SGIP1: variants seen among roughly 807,000 people sequenced by gnomAD.
SGIP1 encodes the protein SH3GL interacting endocytic adaptor 1, also known as SH3-containing GRB2-like protein 3-interacting protein 1.
In SGIP1, 38 loss-of-function variants were observed where a neutral mutation model predicts 107.5. The ratio of observed to expected loss-of-function variants is 0.35; its 90% CI spans 0.27 to 0.46. The LOEUF (loss-of-function observed/expected upper bound fraction) is 0.46, where lower values mean the gene tolerates loss of function less well. Ranked by LOEUF, SGIP1 falls within the 20% of genes least tolerant of loss-of-function variation. The pLI, the probability that SGIP1 is intolerant of heterozygous loss-of-function variation, is 1.00. For synonymous variants in SGIP1, 365 were observed against 366.1 expected, an observed-to-expected ratio of 1.00 and a Z score of 0.03; for missense variants, 929 against 1,019.5, an observed-to-expected ratio of 0.91 and a Z score of 1.21.
chr1:66,672,099 G>T (rs1343247236), intron 11 of SGIP1, 104 bp downstream of exon 11: 8 of 1,051,912 alleles, frequency 7.6e-6, no homozygotes, highest in East Asian at 2.5e-5. Flanking sequence ...ATTAACAAAG[G>T]CTCTACCAAA....
chr1:66,603,232 CTT>C (rs1175614759), intron 1 of SGIP1, among the ~76,000 whole-genome samples: 2 of 152,074 alleles, frequency 1.3e-5, no homozygotes, highest in Admixed American at 6.5e-5. Flanking sequence ...TGGAAAAAAA[CTT>C]ATTTCAGTTC....
intron 1 of SGIP1, among the ~76,000 whole-genome samples, chr1:66,570,195 T>G (rs1458300435): frequency 6.6e-6 from 1 of 151,912 alleles, no homozygotes; most frequent in Non-Finnish European, 1.5e-5. Flanking sequence ...TCTATTATTA[T>G]TTTTAATAGT....
intron 5 of SGIP1, among the ~76,000 whole-genome samples, chr1:66,641,220 A>G (rs960491607): frequency 2.6e-5 from 4 of 152,208 alleles, no homozygotes; most frequent in Non-Finnish European, 4.4e-5. Context: ...ACACATAAAA[A>G]GGGCAACTAT....
chr1:66,645,141 A>G (rs1262884489), intron 7 of SGIP1, among the ~76,000 whole-genome samples: 1 of 152,202 alleles, frequency 6.6e-6, no homozygotes, highest in African/African-American at 2.4e-5. Context: ...TTCTCTGTGT[A>G]ATAAACTGGC....
chr1:66,708,602 T>C (rs1158367528), intron 18 of SGIP1, among the ~76,000 whole-genome samples: 1 of 152,206 alleles, frequency 6.6e-6, no homozygotes, highest in Non-Finnish European at 1.5e-5. Context: ...AAAGCAAGTA[T>C]AATATTCTCA....
chr1:66,579,683 A>G (rs2061555245), intron 1 of SGIP1, among the ~76,000 whole-genome samples: 1 of 152,122 alleles, frequency 6.6e-6, no homozygotes, highest in Non-Finnish European at 1.5e-5. Flanking sequence ...TACCTATACT[A>G]ATGGAAATAA....
chr1:66,656,762 T>C (rs1011683022), intron 7 of SGIP1, among the ~76,000 whole-genome samples: 2 of 152,214 alleles, frequency 1.3e-5, no homozygotes, highest in Admixed American at 1.3e-4. Flanking sequence ...TCAATAAATA[T>C]CTGTTAATGG....
At chr1:66,655,294 A>G (rs1338270390) in intron 7 of SGIP1, among the ~76,000 whole-genome samples, 1 of 151,814 alleles carries the variant, frequency 6.6e-6, no homozygotes, top group African/African-American at 2.4e-5. Flanking sequence ...CTTCCCCTAG[A>G]TAGCTGTATT....
At chr1:66,642,669 G>T (rs1324764016) in intron 5 of SGIP1, 141 bp from the exon 6 acceptor site, 2 of 600,570 alleles carry the variant, frequency 3.3e-6, no homozygotes, top group East Asian at 5.7e-5. Context: ...ATATTGCTCA[G>T]AATTCACTTC....
chr1:66,695,499 T>C lies in SGIP1; in HGVS notation c.1630+6T>C. The C allele has an allele frequency of 1.2e-6, 2 of 1,613,748 alleles. No individual in the cohort carries two copies. The highest frequency in any genetic ancestry group is 1.7e-6 in the Non-Finnish European group (2 of 1,179,658). ...GTTTTATTTGACTTTTGAAGGTAAG[T>C]AGTGCATAGCATACCAGATTCTAAT... On this transcript the variant is annotated splice_donor_region_variant and intron_variant, in intron 18 of 24. Transcript: ENST00000371037.
intron 7 of SGIP1, among the ~76,000 whole-genome samples, chr1:66,655,310 C>T (rs1367755407): frequency 6.6e-6 from 1 of 152,000 alleles, no homozygotes; most frequent in Non-Finnish European, 1.5e-5. Flanking sequence ...GTATTGTGAC[C>T]TCCCTCAACA....
At chr1:66,721,496 C>T (rs1557751423) in intron 19 of SGIP1, among the ~76,000 whole-genome samples, 2 of 152,198 alleles carry the variant, frequency 1.3e-5, no homozygotes, top group Non-Finnish European at 2.9e-5. Context: ...GCAGCCTCAA[C>T]CTCCCAGTCT....
intron 15 of SGIP1, among the ~76,000 whole-genome samples, chr1:66,686,303 A>T (rs993130611): frequency 6.6e-6 from 1 of 152,192 alleles, no homozygotes; most frequent in Non-Finnish European, 1.5e-5. Context: ...GGGGGTTGCC[A>T]AGCACATTGA....
At chr1:66,550,126 G>A (rs2057180310) in intron 1 of SGIP1, among the ~76,000 whole-genome samples, 2 of 152,088 alleles carry the variant, frequency 1.3e-5, no homozygotes, top group Non-Finnish European at 2.9e-5. Context: ...TCTTGAGAAA[G>A]TCTTTCTTGT....
Position 66,636,071 on chromosome 1 carries a change from A to G in SGIP1, c.171+56A>G, listed in dbSNP as rs971640288. The G allele has an allele frequency of 2.6e-6, 4 of 1,513,692 alleles. No homozygotes were observed. The African/African-American group carries it at 5.6e-5, about 21-fold the overall frequency. The allele number at this position is 1,513,692 out of a possible 1,614,324, so 93.8% of individuals were successfully genotyped here. A position where few individuals can be genotyped will look rare whatever the true frequency, so the allele number is the denominator to read the frequency against. ...CAAAGGGTTATAAAAAACAGTGAGTAAAATCCCAATTTAAAATTTGGAAAA... is the reference window on the plus strand; with the variant it reads ...CAAAGGGTTATAAAAAACAGTGAGTGAAATCCCAATTTAAAATTTGGAAAA... On this transcript the variant is annotated intron_variant, in intron 4 of 24. Coordinates refer to ENST00000371037, the MANE Select transcript of SGIP1 (RefSeq NM_032291.4).
intron 15 of SGIP1, among the ~76,000 whole-genome samples, chr1:66,683,700 C>CCTTTTTTTTTTTT (rs2087375257): frequency 1.6e-5 from 1 of 61,396 alleles, no homozygotes; most frequent in Non-Finnish European, 3.0e-5. Context: ...TGTTTCTTTT[C>CCTTTTTTTTTTTT]TTTTTTTTTT....
At position 66,630,894 on chromosome 1, in the gene SGIP1, A is replaced by AGAGG. The variant is rs2074304246; in HGVS notation, c.75-2174_75-2173insGGGA. Among the ~76,000 whole-genome samples the AGAGG allele has an allele frequency of 2.1e-4, 2 of 9,610 alleles. 1 individual carries two copies. Among genetic ancestry groups the AGAGG allele is most frequent in the Non-Finnish European group, 4.3e-4 (2 of 4,700 alleles). 6.3% of individuals were successfully genotyped at this position (9,610 alleles called of 152,430 possible). A position where few individuals can be genotyped will look rare whatever the true frequency, so the allele number is the denominator to read the frequency against. The stretch of plus-strand genomic sequence containing the variant: ...AAGAAAGAAAGAAAGAAAGAAAGAA[A>AGAGG]GAAAGAAAGAAGGGAGGGAGGGAGG... On this transcript the variant is annotated intron_variant, in intron 2 of 24. Transcript: ENST00000371037.
chr1:66,583,892 T>C (rs114931676), intron 1 of SGIP1, among the ~76,000 whole-genome samples: 2,408 of 152,280 alleles, frequency 0.016, 19 homozygotes, highest in Non-Finnish European at 0.026. Flanking sequence ...TTAGCTTTGG[T>C]TCATAAAGGT....
intron 1 of SGIP1, among the ~76,000 whole-genome samples, chr1:66,590,001 G>T (rs2063362133): frequency 1.3e-5 from 2 of 152,182 alleles, no homozygotes. Context: ...CCCCATTCAG[G>T]TGTTAAATTC....
Sources: gnomAD v4.1 joint callset for allele counts (sites outside exome capture counted in the v4.1 genomes callset) on GRCh38, gnomAD v4.1.1 for gene constraint, MANE v1.5 for transcripts, NCBI Gene and HGNC (gene_info 2026-07-23, HGNC 2026-07-21) for gene names.